Variants in TRAF3IP2 observed in about 807,000 individuals in gnomAD.
TRAF3IP2 encodes the protein TRAF3 interacting protein 2.
In TRAF3IP2, 35 loss-of-function variants were observed where a neutral mutation model predicts 57.9. The observed-to-expected ratio is 0.60, with a 90% CI of 0.46 to 0.80. The LOEUF (loss-of-function observed/expected upper bound fraction) is 0.80, where lower values mean the gene tolerates loss of function less well. Among genes scored for constraint, TRAF3IP2 ranks in the 30% least tolerant of loss-of-function variants. TRAF3IP2 has a pLI of 0.00. For missense variants in TRAF3IP2, 556 were observed against 706.4 expected, an observed-to-expected ratio of 0.79 and a Z score of 2.41; for synonymous variants, 251 against 268.9, an observed-to-expected ratio of 0.93 and a Z score of 0.65.
intron 1 of TRAF3IP2, among the ~76,000 whole-genome samples, chr6:111,594,262 GCTGA>G (rs1277902830): frequency 6.6e-6 from 1 of 151,942 alleles, no homozygotes; most frequent in Non-Finnish European, 1.5e-5. Flanking sequence ...TCAAGGCCTG[GCTGA>G]CTGTTGTGTC....
At chr6:111,583,205 C>T (rs1796217666) in intron 2 of TRAF3IP2, among the ~76,000 whole-genome samples, 1 of 152,152 alleles carries the variant, frequency 6.6e-6, no homozygotes, top group Non-Finnish European at 1.5e-5. Context: ...AGGGGATGCT[C>T]AATAGATGAA....
At chr6:111,580,457 A>T (rs1796121569) in intron 2 of TRAF3IP2, 68 bp from the exon 3 acceptor site, 12 of 1,418,412 alleles carry the variant, frequency 8.5e-6, no homozygotes, top group Non-Finnish European at 1.0e-5. Context: ...AAGGAGTCAT[A>T]AGCTCCATGC....
chr6:111,602,879 G>A (rs543699651), intron 1 of TRAF3IP2, among the ~76,000 whole-genome samples: 55 of 152,220 alleles, frequency 3.6e-4, no homozygotes, highest in African/African-American at 1.9e-4. Flanking sequence ...TGTGGGGTGC[G>A]GCCTGTGGGG....
chr6:111,568,364 T>A (rs996218872), intron 5 of TRAF3IP2, among the ~76,000 whole-genome samples: 8 of 152,070 alleles, frequency 5.3e-5, no homozygotes, highest in African/African-American at 1.9e-4. Context: ...AGGAGAAAGA[T>A]CAGTTATTTT....
Position 111,605,159 on chromosome 6 carries a change from C to G in TRAF3IP2, c.-9+617G>C, listed in dbSNP as rs558873520. Among the ~76,000 whole-genome samples the G allele has an allele frequency of 1.1e-4, 17 of 152,282 alleles. No homozygotes were observed. In the South Asian group the frequency reaches 3.5e-3, roughly 32 times the overall value. ...AAGTCACAAGAAGCTTGATTAGCTT[C>G]TAAGATCAAGTTCTGGCATTTCTCC... is the stretch of plus-strand genomic sequence containing the variant. On this transcript the variant is annotated intron_variant, in intron 1 of 8. Transcript: ENST00000368761.
intron 6 of TRAF3IP2, 126 bp downstream of exon 6, chr6:111,567,498 G>A (rs1384958840): frequency 7.6e-7 from 1 of 1,310,280 alleles, no homozygotes; most frequent in East Asian, 2.8e-5. Flanking sequence ...AACAAGGGAG[G>A]CTTTGTTGGG....
chr6:111,581,992 G>C lies in TRAF3IP2; in HGVS notation c.830-1603C>G, dbSNP rs1188015726. Among the ~76,000 whole-genome samples the C allele has an allele frequency of 3.9e-5, 6 of 152,106 alleles. No homozygotes were observed. The East Asian group carries it at 1.2e-3, about 29-fold the overall frequency. On this transcript the variant is annotated intron_variant, in intron 2 of 8. Transcript: ENST00000368761. ...GACTCCGTCTCAAAAACAAAAAAAA[G>C]AACTGTATTCTTAGCTTGGCAAAGC...
intron 1 of TRAF3IP2, chr6:111,597,737 G>A (rs1020983856): frequency 1.6e-5 from 7 of 428,006 alleles, no homozygotes; most frequent in African/African-American, 1.4e-4. Context: ...ACAGAGGTGA[G>A]TCCTGGGGAC....
chr6:111,575,877 G>C, intron 3 of TRAF3IP2, 56 bp from the exon 4 acceptor site: 1 of 1,524,694 alleles, frequency 6.6e-7, no homozygotes, highest in Non-Finnish European at 8.9e-7. Flanking sequence ...CAAACCTTCA[G>C]GGACAGAAAG....
chr6:111,582,113 G>A (rs1402151336), intron 2 of TRAF3IP2, among the ~76,000 whole-genome samples: 1 of 152,236 alleles, frequency 6.6e-6, no homozygotes, highest in Non-Finnish European at 1.5e-5. Flanking sequence ...TCACTAGTGT[G>A]GCCTCCTCCA....
At chr6:111,567,299 C>T in intron 6 of TRAF3IP2, 4 of 1,064,076 alleles carry the variant, frequency 3.8e-6, no homozygotes, top group Non-Finnish European at 4.5e-6. Context: ...GGGGTGGCCT[C>T]AGATTAAATT....
intron 1 of TRAF3IP2, among the ~76,000 whole-genome samples, chr6:111,592,720 T>C (rs144065184): frequency 3.9e-5 from 6 of 152,288 alleles, no homozygotes; most frequent in African/African-American, 1.4e-4. Context: ...ATAATTTTGT[T>C]CCATTTGACT....
chr6:111,559,231 G>A lies in TRAF3IP2; in HGVS notation c.*174C>T, dbSNP rs1795342907. 2.5e-6 allele frequency: 2 copies of A among 798,790 alleles called. No homozygotes were observed. The allele number at this position is 798,790 out of a possible 1,614,324, so 49.5% of individuals were successfully genotyped here. On this transcript the variant is annotated 3_prime_UTR_variant, in exon 9 of 9. Transcript: ENST00000368761. ...AGACTCCACTTCAAAGCCAGGGTGT[G>A]TGGAGGTCTCCGGGGAAGAGCTCTG...
At chr6:111,581,846 C>T (rs774948102) in intron 2 of TRAF3IP2, among the ~76,000 whole-genome samples, 12 of 152,006 alleles carry the variant, frequency 7.9e-5, no homozygotes, top group Non-Finnish European at 1.3e-4. Flanking sequence ...GGTGTGATGG[C>T]GCGCACCTGT....
At chr6:111,593,570 G>C (rs2128383179) in intron 1 of TRAF3IP2, among the ~76,000 whole-genome samples, 1 of 152,180 alleles carries the variant, frequency 6.6e-6, no homozygotes, top group Non-Finnish European at 1.5e-5. Context: ...TCTCCCACTT[G>C]GTATCAAACT....
chr6:111,595,827 CAAA>C (rs569836365), intron 1 of TRAF3IP2, among the ~76,000 whole-genome samples: 16 of 92,852 alleles, frequency 1.7e-4, no homozygotes, highest in Admixed American at 2.2e-4. Context: ...GACTCTGTCT[CAAA>C]AAAAAAAAAA....
At chr6:111,567,532 T>G in intron 6 of TRAF3IP2, 92 bp downstream of exon 6, 2 of 1,409,108 alleles carry the variant, frequency 1.4e-6, no homozygotes, top group Non-Finnish European at 1.9e-6. Flanking sequence ...CAGACTTAGG[T>G]GGGTATGCCA....
rs144417707 is a variant in TRAF3IP2 at position 111,592,558 on chromosome 6, C to T, written c.-8-464G>A. On this transcript the variant is annotated intron_variant, in intron 1 of 8. Coordinates refer to ENST00000368761, the MANE Select transcript of TRAF3IP2 (RefSeq NM_147686.4). ...CTATGCTGCTATTTTGTGTAAAAAACGAGAGGAGAATGTGTGTTTCTGTGT... is the reference window on the plus strand; with the variant it reads ...CTATGCTGCTATTTTGTGTAAAAAATGAGAGGAGAATGTGTGTTTCTGTGT... Among the ~76,000 whole-genome samples, 10 of 152,102 alleles carry T rather than the reference C, an allele frequency of 6.6e-5. No homozygotes were observed. The East Asian group carries it at 1.5e-3, about 24-fold the overall frequency.
chr6:111,588,523 C>T (rs1200913631), intron 2 of TRAF3IP2, among the ~76,000 whole-genome samples: 2 of 152,184 alleles, frequency 1.3e-5, no homozygotes, highest in Non-Finnish European at 2.9e-5. Flanking sequence ...AAGTATTTTC[C>T]GTGGGAAGTA....
Sources: allele counts gnomAD v4.1 joint callset (sites outside exome capture counted in the v4.1 genomes callset), GRCh38; gene constraint gnomAD v4.1.1; transcripts MANE v1.5; gene names NCBI Gene and HGNC (gene_info 2026-07-23, HGNC 2026-07-21).